The following BRINP3 variants were observed in gnomAD, a reference collection of about 807,000 sequenced individuals.
BRINP3 encodes BMP/retinoic acid inducible neural specific 3.
Under a neutral mutation model 71.0 loss-of-function variants are expected in BRINP3, and 19 were observed. The observed-to-expected ratio is 0.27, with a 90% CI of 0.19 to 0.39. The LOEUF is 0.39. Among genes scored for constraint, BRINP3 ranks in the 10% least tolerant of loss-of-function variants. BRINP3 has a pLI of 1.00. For synonymous variants in BRINP3, 380 were observed against 337.7 expected (o/e 1.13, Z -1.37); for missense variants, 959 against 940.8 (o/e 1.02, Z -0.25).
intron 7 of BRINP3, among the ~76,000 whole-genome samples, chr1:190,142,753 A>G (rs1655562180): frequency 6.6e-6 from 1 of 152,068 alleles, no homozygotes; most frequent in Admixed American, 6.5e-5. Flanking sequence ...AAAATATGGA[A>G]TTGAAGTATG....
chr1:190,475,906 T>A (rs1199847469), intron 1 of BRINP3: 1 of 152,228 alleles, frequency 6.6e-6, no homozygotes, highest in Non-Finnish European at 1.5e-5. Flanking sequence ...AATGTTTGAA[T>A]TGAATTATAT....
At chr1:190,386,615 A>G (rs1670929683) in intron 2 of BRINP3, among the ~76,000 whole-genome samples, 1 of 152,012 alleles carries the variant, frequency 6.6e-6, no homozygotes, top group Admixed American at 6.6e-5. Context: ...AATATTGCCT[A>G]CTGAATAAGT....
chr1:190,131,788 C>A (rs1465010768), intron 7 of BRINP3, among the ~76,000 whole-genome samples: 1 of 152,032 alleles, frequency 6.6e-6, no homozygotes, highest in Non-Finnish European at 1.5e-5. Flanking sequence ...TCATTTACTC[C>A]ATCTTTTTCT....
At chr1:190,114,403 T>C (rs1415514746) in intron 7 of BRINP3, among the ~76,000 whole-genome samples, 4 of 152,006 alleles carry the variant, frequency 2.6e-5, no homozygotes, top group Non-Finnish European at 5.9e-5. Context: ...CCCCAAAAAA[T>C]CAGTACCTAT....
At chr1:190,322,106 A>G (rs1317596355) in intron 2 of BRINP3, among the ~76,000 whole-genome samples, 1 of 152,068 alleles carries the variant, frequency 6.6e-6, no homozygotes, top group African/African-American at 2.4e-5. Context: ...TTTAAATGAA[A>G]GGTAGTTCAT....
At chr1:190,113,966 A>C (rs1006667424) in intron 7 of BRINP3, among the ~76,000 whole-genome samples, 2 of 152,162 alleles carry the variant, frequency 1.3e-5, no homozygotes, top group African/African-American at 4.8e-5. Context: ...CAGGAATCCT[A>C]TGTGTCTTCA....
chr1:190,471,775 T>A (rs1038705067), intron 1 of BRINP3, among the ~76,000 whole-genome samples: 1 of 151,384 alleles, frequency 6.6e-6, no homozygotes, highest in African/African-American at 2.4e-5. Context: ...TTCTATTAAA[T>A]AACAATGAGA....
chr1:190,152,706 T>C (rs2102427958), intron 7 of BRINP3, among the ~76,000 whole-genome samples: 1 of 152,102 alleles, frequency 6.6e-6, no homozygotes, highest in South Asian at 2.1e-4. Context: ...GTCTATGTCC[T>C]AATCTTTCAT....
intron 6 of BRINP3, among the ~76,000 whole-genome samples, chr1:190,191,806 T>C (rs1214662057): frequency 6.6e-6 from 1 of 152,126 alleles, no homozygotes; most frequent in Non-Finnish European, 1.5e-5. Flanking sequence ...TGCATTGAAA[T>C]CTTACATATT....
intron 2 of BRINP3, among the ~76,000 whole-genome samples, chr1:190,349,369 A>T (rs1218902873): frequency 1.3e-5 from 2 of 152,106 alleles, no homozygotes; most frequent in Non-Finnish European, 2.9e-5. Flanking sequence ...GGAAGTGAAG[A>T]AGGAGAAACA....
intron 4 of BRINP3, among the ~76,000 whole-genome samples, chr1:190,258,723 A>C (rs575508984): frequency 6.6e-6 from 1 of 152,322 alleles, no homozygotes; most frequent in South Asian, 2.1e-4. Context: ...TTAAGTGATG[A>C]CCTTGATTTC....
chr1:190,131,200 GAC>G (rs1018368213), intron 7 of BRINP3, among the ~76,000 whole-genome samples: 19 of 126,892 alleles, frequency 1.5e-4, no homozygotes, highest in Admixed American at 3.3e-4. Flanking sequence ...GGGGTGGGGG[GAC>G]AGGGAAGCTA....
At chr1:190,247,751 A>G (rs888860184) in intron 4 of BRINP3, among the ~76,000 whole-genome samples, 1 of 151,808 alleles carries the variant, frequency 6.6e-6, no homozygotes, top group East Asian at 1.9e-4. Context: ...TGTAGTATTT[A>G]CCTTTCTGTG....
chr1:190,473,150 A>G (rs576140985), intron 1 of BRINP3, among the ~76,000 whole-genome samples: 3 of 151,960 alleles, frequency 2.0e-5, no homozygotes. Context: ...ATACAAATAT[A>G]TATGTATACA....
At chr1:190,417,400 T>C (rs548751992) in intron 2 of BRINP3, among the ~76,000 whole-genome samples, 58 of 152,278 alleles carry the variant, frequency 3.8e-4, no homozygotes, top group African/African-American at 1.4e-3. Flanking sequence ...TCTTCTTGTA[T>C]CGATCAATAC....
chr1:190,363,877 T>C (rs1281983874), intron 2 of BRINP3, among the ~76,000 whole-genome samples: 1 of 152,166 alleles, frequency 6.6e-6, no homozygotes, highest in Non-Finnish European at 1.5e-5. Context: ...TCCCGAATGA[T>C]GGGCTGCAAC....
chr1:190,457,755 A>C (rs530774708), intron 1 of BRINP3, among the ~76,000 whole-genome samples: 1 of 152,152 alleles, frequency 6.6e-6, no homozygotes, highest in Non-Finnish European at 1.5e-5. Flanking sequence ...TTTTTGTAAT[A>C]CACAAAGTGT....
intron 4 of BRINP3, among the ~76,000 whole-genome samples, chr1:190,253,436 G>A (rs1013221867): frequency 6.6e-6 from 1 of 152,152 alleles, no homozygotes; most frequent in Non-Finnish European, 1.5e-5. Flanking sequence ...TCCAGCATCT[G>A]TTGTTTCCTG....
chr1:190,477,197 G>A (rs189625982), intron 1 of BRINP3, among the ~76,000 whole-genome samples: 8 of 152,066 alleles, frequency 5.3e-5, no homozygotes, highest in Non-Finnish European at 7.4e-5. Flanking sequence ...ATATAAATGA[G>A]GACAAATATT....
Sources: gnomAD v4.1 joint callset for allele counts (sites outside exome capture counted in the v4.1 genomes callset) on GRCh38, gnomAD v4.1.1 for gene constraint, MANE v1.5 for transcripts, NCBI Gene and HGNC (gene_info 2026-07-23, HGNC 2026-07-21) for gene names.